The following ANXA8 variants were observed in gnomAD, a reference collection of about 807,000 sequenced individuals.
ANXA8 encodes the protein annexin A8, also known as VAC-beta.
In ANXA8, 9 loss-of-function variants were observed where a neutral mutation model predicts 26.8. The ratio of observed to expected loss-of-function variants is 0.34; its 90% CI spans 0.20 to 0.59. The LOEUF (loss-of-function observed/expected upper bound fraction) is 0.59. ANXA8 is among the 20% of genes least tolerant of loss of function. ANXA8 has a pLI of 0.84. For missense variants in ANXA8, 83 were observed against 238.5 expected, an observed-to-expected ratio of 0.35 and a Z score of 4.29; for synonymous variants, 39 against 94.8, an observed-to-expected ratio of 0.41 and a Z score of 3.42.
At chr10:47,654,114 C>T in the ANXA8 span, among the ~76,000 whole-genome samples, 1 of 151,822 alleles carries the variant, frequency 6.6e-6, no homozygotes, top group Non-Finnish European at 1.5e-5. Context: ...ATGATAAGCA[C>T]GTCCATTTTA....
chr10:47,671,286 G>A, the ANXA8 span, among the ~76,000 whole-genome samples: 2 of 151,702 alleles, frequency 1.3e-5, no homozygotes, highest in African/African-American at 4.9e-5. Flanking sequence ...ACCGGGCTTG[G>A]TGGTGCGTGC....
the ANXA8 span, chr10:47,986,706 G>T: frequency 2.8e-6 from 1 of 357,388 alleles, no homozygotes; most frequent in Non-Finnish European, 5.5e-6. Flanking sequence ...TTCCACTGCT[G>T]CTGCGGAGAG....
At chr10:47,502,432 C>T in the ANXA8 span, 12 of 1,611,310 alleles carry the variant, frequency 7.4e-6, no homozygotes, top group South Asian at 1.1e-5. Context: ...GGAACGGATC[C>T]ACCATTCCTT....
the ANXA8 span, among the ~76,000 whole-genome samples, chr10:47,944,549 G>T: frequency 1.3e-5 from 2 of 150,850 alleles, 1 homozygote; most frequent in East Asian, 4.1e-4. Context: ...CCCACATGTC[G>T]TGGGAGGGGC....
chr10:47,969,939 T>G, the ANXA8 span: 1 of 151,338 alleles, frequency 6.6e-6, no homozygotes, highest in Non-Finnish European at 1.5e-5. Context: ...TAAGCCATCT[T>G]TCTCTCTTTT....
chr10:47,628,323 A>T, the ANXA8 span, among the ~76,000 whole-genome samples: 1 of 152,096 alleles, frequency 6.6e-6, no homozygotes, highest in Non-Finnish European at 1.5e-5. Flanking sequence ...ACATACTAAT[A>T]TGAATGGTAC....
the ANXA8 span, among the ~76,000 whole-genome samples, chr10:47,894,647 A>T: frequency 6.7e-6 from 1 of 150,352 alleles, no homozygotes; most frequent in South Asian, 2.1e-4. Flanking sequence ...CACACCACAC[A>T]CACCACAGAA....
the ANXA8 span, among the ~76,000 whole-genome samples, chr10:47,497,133 C>T: frequency 2.0e-5 from 3 of 149,142 alleles, no homozygotes; most frequent in Admixed American, 6.7e-5. Context: ...CCAGCTTGAT[C>T]AACATGGAGA....
the ANXA8 span, among the ~76,000 whole-genome samples, chr10:47,557,097 C>A: frequency 7.8e-6 from 1 of 127,582 alleles, no homozygotes; most frequent in Non-Finnish European, 1.6e-5. Flanking sequence ...ACCTCTGTCT[C>A]CTGGGTTCAA....
chr10:47,771,542 A>T, the ANXA8 span, among the ~76,000 whole-genome samples: 1 of 151,672 alleles, frequency 6.6e-6, no homozygotes, highest in Non-Finnish European at 1.5e-5. Context: ...AAAATTATTT[A>T]TTCTTTACAA....
chr10:47,475,322 T>C (rs1418091514), intron 6 of ANXA8, among the ~76,000 whole-genome samples, 171 bp downstream of exon 6: 5 of 151,934 alleles, frequency 3.3e-5, no homozygotes, highest in African/African-American at 7.2e-5. Flanking sequence ...GTGTGGGGGC[T>C]CTGCAGTTGG....
the ANXA8 span, among the ~76,000 whole-genome samples, chr10:47,769,809 C>T: frequency 6.6e-6 from 1 of 152,304 alleles, no homozygotes; most frequent in Non-Finnish European, 1.5e-5. Context: ...AGCCTTGCAA[C>T]ATGGTGGGTG....
the ANXA8 span, among the ~76,000 whole-genome samples, chr10:47,596,889 T>C: frequency 6.8e-6 from 1 of 147,620 alleles, no homozygotes; most frequent in Middle Eastern, 3.5e-3. Context: ...GATGAGAGAT[T>C]CTCCTCTAAC....
At chr10:47,563,934 A>G in the ANXA8 span, among the ~76,000 whole-genome samples, 1 of 150,746 alleles carries the variant, frequency 6.6e-6, no homozygotes, top group Non-Finnish European at 1.5e-5. Context: ...ATTCCTCAAC[A>G]TATTCTATAA....
the ANXA8 span, chr10:47,489,769 G>A: frequency 1.9e-6 from 1 of 526,426 alleles, no homozygotes; most frequent in Non-Finnish European, 3.3e-6. Context: ...CTCAGAGCAG[G>A]CCCACTGCCC....
chr10:47,644,702 T>G, the ANXA8 span, among the ~76,000 whole-genome samples: 1 of 151,566 alleles, frequency 6.6e-6, no homozygotes. Context: ...AAAAGCTGTT[T>G]CATAATTGTA....
chr10:47,723,424 C>T, the ANXA8 span, among the ~76,000 whole-genome samples: 10 of 67,988 alleles, frequency 1.5e-4, no homozygotes, highest in Non-Finnish European at 2.4e-4. Context: ...TTCAGTTATT[C>T]CATTCTACTC....
chr10:47,475,054 T>C, intron 6 of ANXA8, 50 bp from the exon 7 acceptor site: 1 of 1,528,376 alleles, frequency 6.5e-7, no homozygotes, highest in Non-Finnish European at 8.9e-7. Flanking sequence ...GACCAGAGCA[T>C]TAAGGGCACA....
At chr10:47,976,342 T>G in the ANXA8 span, among the ~76,000 whole-genome samples, 1 of 151,070 alleles carries the variant, frequency 6.6e-6, no homozygotes, top group Non-Finnish European at 1.5e-5. Context: ...TCAGTAAGAA[T>G]AGCAAATTTT....
Sources: allele counts gnomAD v4.1 joint callset (sites outside exome capture counted in the v4.1 genomes callset), GRCh38; gene constraint gnomAD v4.1.1; transcripts MANE v1.5; gene names NCBI Gene and HGNC (gene_info 2026-07-23, HGNC 2026-07-21).